Variants in PKN3 observed in about 807,000 individuals in gnomAD.
The protein encoded by PKN3 is serine/threonine-protein kinase N3.
A neutral mutation model predicts 113.1 loss-of-function variants in PKN3; 91 were observed. The ratio of observed to expected loss-of-function variants is 0.80; its 90% CI spans 0.68 to 0.96. PKN3 has a LOEUF of 0.96. Ranked by LOEUF, PKN3 falls within the 40% of genes least tolerant of loss-of-function variation. The probability of loss-of-function intolerance (pLI) is 0.00; values close to 1 mark genes in which losing one functional copy is unlikely to be tolerated. For missense variants in PKN3, 1,052 were observed against 1,202.2 expected, an observed-to-expected ratio of 0.88 and a Z score of 1.85; for synonymous variants, 467 against 499.0, an observed-to-expected ratio of 0.94 and a Z score of 0.85.
intron 16 of PKN3, 94 bp from the exon 17 acceptor site, chr9:128,718,231 C>T (rs897214725): frequency 3.2e-5 from 30 of 931,304 alleles, no homozygotes; most frequent in African/African-American, 9.7e-5. Context: ...CCGGGACATC[C>T]GGGATCCCCC....
chr9:128,705,450 C>G lies in PKN3; in HGVS notation c.172C>G (p.Arg58Gly). 1 of 1,578,558 alleles carries G rather than the reference C, an allele frequency of 6.3e-7. No homozygotes were observed. Among genetic ancestry groups the G allele is most frequent in the South Asian group, 1.2e-5 (1 of 86,612 alleles). The part of the protein sequence containing the change: ...RHLGHVQQLL[R>G]SSNRRLEQLH... ...CTTGGGCCATGTGCAGCAGCTGCTG[C>G]GGTCCTCCAACCGCCGCCTGGAGCA... The change falls in exon 2 of 22, where the codon CGG (arginine) becomes GGG (glycine). Residue 58 changes from arginine to glycine, a missense_variant. Physicochemically the swap from Arg to Gly is moderately radical, Grantham distance 125. This residue lies in a region of PKN3 where 719 missense variants were observed against 759.4 expected (regional missense o/e 0.95). Coordinates refer to ENST00000291906, the MANE Select transcript of PKN3 (RefSeq NM_013355.5).
In PKN3 at chr9:128,706,998, C is replaced by T. The variant is rs772648294; in HGVS notation, c.626C>T (p.Thr209Ile). ...NVVKLLSSRR[T>I]QDRKALAEAQ... is the part of the protein sequence containing the mutation. ...GTGAAACTGCTTAGTAGCCGGAGAA[C>T]ACAGGACCGCAAGGCACTGGCTGAG... The change falls in exon 5 of 22, where the codon ACA (threonine) becomes ATA (isoleucine). Residue 209 changes from threonine to isoleucine, a missense_variant. Thr to Ile is a moderately conservative substitution (Grantham distance 89). Coordinates refer to ENST00000291906, the MANE Select transcript of PKN3 (RefSeq NM_013355.5). 3 of 1,614,206 alleles carry T rather than the reference C, an allele frequency of 1.9e-6. No homozygotes were observed.
chr9:128,712,982 C>A, intron 6 of PKN3, 70 bp from the exon 7 acceptor site: 1 of 1,508,492 alleles, frequency 6.6e-7, no homozygotes, highest in Non-Finnish European at 8.9e-7. Flanking sequence ...TTCCTGGGGT[C>A]CCAGGACACC....
At chr9:128,703,886 C>G (rs922264339) in intron 1 of PKN3, 1 of 985,386 alleles carries the variant, frequency 1.0e-6, no homozygotes, top group Non-Finnish European at 1.2e-6. Context: ...GGGCTCCGCC[C>G]TGCAGCGGCA....
In PKN3 at chr9:128,718,895, TTGG is replaced by T. The variant is rs753677306; in HGVS notation, c.2125+272_2125+274del. 4.9e-4 allele frequency among the ~76,000 whole-genome samples: 14 copies of T among 28,316 alleles called. 1 individual carries two copies. The Non-Finnish European group carries it at 7.1e-3, about 14-fold the overall frequency. 18.6% of individuals were successfully genotyped at this position (28,316 alleles called of 152,430 possible). Reference sequence around the variant, plus strand: ...CTGAGTTCTGCCTTCTGTTTTTTTTTTGGTTTGTTTTTTTTTTTGAGACGGAGT... The same window carrying T: ...CTGAGTTCTGCCTTCTGTTTTTTTTTTTTGTTTTTTTTTTTGAGACGGAGT... On this transcript the variant is annotated intron_variant, in intron 18 of 21. Transcript: ENST00000291906.
intron 1 of PKN3, chr9:128,703,810 C>G: frequency 2.0e-6 from 2 of 985,446 alleles, no homozygotes; most frequent in Non-Finnish European, 2.4e-6. Context: ...CCCTCCCACC[C>G]CCTTCCTCTG....
chr9:128,710,839 T>TA (rs1327037468), intron 6 of PKN3, among the ~76,000 whole-genome samples: 2 of 152,132 alleles, frequency 1.3e-5, no homozygotes, highest in East Asian at 3.9e-4. Flanking sequence ...TTGAAGGACT[T>TA]ACACGGGAGT....
intron 6 of PKN3, 140 bp from the exon 7 acceptor site, chr9:128,712,912 A>T: frequency 1.2e-6 from 1 of 830,238 alleles, no homozygotes; most frequent in Non-Finnish European, 1.9e-6. Context: ...TTCCTCAGGT[A>T]ACTGCCCTGG....
chr9:128,704,204 C>T lies in PKN3; in HGVS notation c.25-1099C>T, dbSNP rs1288045354. The T allele has an allele frequency of 1.3e-5, 12 of 951,116 alleles. No individual in the cohort carries two copies. The South Asian group carries it at 2.4e-4, about 19-fold the overall frequency. The allele number at this position is 951,116 out of a possible 1,614,324, so 58.9% of individuals were successfully genotyped here. On this transcript the variant is annotated intron_variant, in intron 1 of 21. Transcript: ENST00000291906. ...CCCGGCCTGAGGTCACCTTTGGCAC[C>T]GGTTGGTTTGAAATGCTGGCGGCTG...
chr9:128,714,431 C>T (rs1052964644), intron 11 of PKN3, 66 bp downstream of exon 11: 29 of 1,380,692 alleles, frequency 2.1e-5, no homozygotes, highest in African/African-American at 1.0e-4. Context: ...CAGATCCAGG[C>T]GGTATCTGTC....
chr9:128,711,051 A>G (rs1241145321), intron 6 of PKN3, among the ~76,000 whole-genome samples: 1 of 151,114 alleles, frequency 6.6e-6, no homozygotes, highest in Non-Finnish European at 1.5e-5. Flanking sequence ...TATTGCCCAG[A>G]CTGGAGTGCA....
intron 16 of PKN3, 61 bp from the exon 17 acceptor site, chr9:128,718,264 C>T (rs1862403835): frequency 7.1e-7 from 1 of 1,400,532 alleles, no homozygotes; most frequent in South Asian, 1.2e-5. Context: ...CCTGGTGCCT[C>T]CCTGCCCTGC....
chr9:128,715,337 C>A lies in PKN3; in HGVS notation c.1717-32C>A. The A allele has an allele frequency of 6.2e-7, 1 of 1,607,780 alleles. No individual in the cohort carries two copies. The highest frequency in any genetic ancestry group is 8.5e-7 in the Non-Finnish European group (1 of 1,174,336). Reference sequence around the variant, plus strand: ...GGCGGTAAAGGCTCCCTGGTCTGGCCCACCTGGAGCACAACCTCTCTCTGG... The same window carrying A: ...GGCGGTAAAGGCTCCCTGGTCTGGCACACCTGGAGCACAACCTCTCTCTGG... On this transcript the variant is annotated intron_variant, in intron 14 of 21. Transcript: ENST00000291906. The surrounding 1 kb of genome is among the most constrained non-coding windows in gnomAD (Gnocchi z 4.1).
At chr9:128,704,659 C>T (rs1400987913) in intron 1 of PKN3, among the ~76,000 whole-genome samples, 1 of 152,138 alleles carries the variant, frequency 6.6e-6, no homozygotes, top group Non-Finnish European at 1.5e-5. Context: ...GTGGCTCACA[C>T]CTGTAATCCC....
At chr9:128,712,201 C>T (rs1001601733) in intron 6 of PKN3, among the ~76,000 whole-genome samples, 8 of 152,170 alleles carry the variant, frequency 5.3e-5, no homozygotes, top group African/African-American at 1.7e-4. Context: ...TGAGCCACTG[C>T]GCCCGGCCGA....
Position 128,715,063 on chromosome 9 carries a change from C to A in PKN3, c.1653-109C>A. 2 of 1,245,156 alleles carry A rather than the reference C, an allele frequency of 1.6e-6. No homozygotes were observed. The highest frequency in any genetic ancestry group is 1.2e-5 in the South Asian group (1 of 80,334). The allele number at this position is 1,245,156 out of a possible 1,614,324, so 77.1% of individuals were successfully genotyped here. On this transcript the variant is annotated intron_variant, in intron 13 of 21. Coordinates refer to ENST00000291906, the MANE Select transcript of PKN3 (RefSeq NM_013355.5). The surrounding 1 kb of genome is among the most constrained non-coding windows in gnomAD (Gnocchi z 4.1). ...GTCCTTACTGCAGGGCTTTTTCGAG[C>A]CCATAGGTCGGGACAGCCCAGGACT... is the stretch of plus-strand genomic sequence containing the variant.
intron 3 of PKN3, 36 bp from the exon 4 acceptor site, chr9:128,706,677 G>A: frequency 6.9e-7 from 1 of 1,446,076 alleles, no homozygotes; most frequent in Non-Finnish European, 9.3e-7. Flanking sequence ...CTGTGGCCCA[G>A]GCCTGGTCTG....
Position 128,718,499 on chromosome 9 carries a change from C to T in PKN3, c.2049-50C>T, listed in dbSNP as rs199613728. ...GCTGCTCCAGGGGCCGTTACTGTTC[C>T]CTGGGTCTAAGCCCCACTCAGTCCC... is the stretch of plus-strand genomic sequence containing the variant. On this transcript the variant is annotated intron_variant, in intron 17 of 21. Coordinates refer to ENST00000291906, the MANE Select transcript of PKN3 (RefSeq NM_013355.5). The T allele has an allele frequency of 2.2e-4, 344 of 1,598,574 alleles. 2 individuals are homozygous for T. The African/African-American group carries it at 4.3e-3, about 20-fold the overall frequency.
Position 128,719,925 on chromosome 9 carries a change from G to T in PKN3, c.2284G>T (p.Asp762Tyr). Residue 762 changes from aspartate (D) to tyrosine (Y), a missense_variant, in exon 20 of 22, where the codon GAC (aspartate) becomes TAC (tyrosine). Asp to Tyr is a radical substitution (Grantham distance 160, BLOSUM62 -3). Coordinates refer to ENST00000291906, the MANE Select transcript of PKN3 (RefSeq NM_013355.5). ...MLVGECPFPGDTEEEVFDCIV... is the reference protein window; with the variant it reads ...MLVGECPFPGYTEEEVFDCIV... The stretch of plus-strand genomic sequence containing the variant: ...ATCTCCACAGTGCCCGTTCCCAGGG[G>T]ACACAGAGGAAGAGGTGTTTGACTG... The T allele has an allele frequency of 1.9e-6, 3 of 1,614,142 alleles. No individual in the cohort carries two copies. The highest frequency in any genetic ancestry group is 2.5e-6 in the Non-Finnish European group (3 of 1,180,008).
Sources: allele counts gnomAD v4.1 joint callset (sites outside exome capture counted in the v4.1 genomes callset), GRCh38; gene constraint gnomAD v4.1.1; regional missense constraint gnomAD v4.1.1; non-coding constraint Gnocchi (gnomAD v3.1); transcripts MANE v1.5; gene names NCBI Gene and HGNC (gene_info 2026-07-23, HGNC 2026-07-21).